Variants in MAGI2 observed in about 807,000 individuals in gnomAD.
MAGI2 encodes the protein membrane-associated guanylate kinase, WW and PDZ domain-containing protein 2.
A neutral mutation model predicts 133.3 loss-of-function variants in MAGI2; 35 were observed. The observed-to-expected ratio is 0.26, with a 90% CI of 0.20 to 0.35. The LOEUF (loss-of-function observed/expected upper bound fraction) is 0.35. Among genes scored for constraint, MAGI2 ranks in the 10% least tolerant of loss-of-function variants. The probability of loss-of-function intolerance (pLI) is 1.00; values close to 1 mark genes in which losing one functional copy is unlikely to be tolerated. For missense variants in MAGI2, 1,636 were observed against 1,863.4 expected, an observed-to-expected ratio of 0.88 and a Z score of 2.25; for synonymous variants, 729 against 710.6, an observed-to-expected ratio of 1.03 and a Z score of -0.41.
intron 1 of MAGI2, among the ~76,000 whole-genome samples, chr7:79,323,036 C>G (rs1225804472): frequency 1.3e-5 from 2 of 152,044 alleles, no homozygotes; most frequent in African/African-American, 4.8e-5. Context: ...CAGGGTCTCA[C>G]TATGTTGTAC....
At chr7:78,864,552 G>A (rs1323901388) in intron 2 of MAGI2, among the ~76,000 whole-genome samples, 1 of 152,148 alleles carries the variant, frequency 6.6e-6, no homozygotes, top group Non-Finnish European at 1.5e-5. Context: ...TGCTCTGTCA[G>A]GAAATGTCAC....
intron 10 of MAGI2, among the ~76,000 whole-genome samples, chr7:78,245,973 G>A (rs1296539420): frequency 1.3e-5 from 2 of 152,132 alleles, no homozygotes. Context: ...AGCCACCATG[G>A]AGCCACCCCT....
intron 20 of MAGI2, among the ~76,000 whole-genome samples, chr7:78,090,405 GA>G (rs1817070934): frequency 1.3e-5 from 2 of 152,154 alleles, no homozygotes. Context: ...TTGCAGTGGG[GA>G]CAAATTGATT....
chr7:79,301,740 T>A lies in MAGI2; in HGVS notation c.301+151280A>T, dbSNP rs142875957. Among the ~76,000 whole-genome samples, 77 of 152,278 alleles carry A rather than the reference T, an allele frequency of 5.1e-4. No homozygotes were observed. The East Asian group carries it at 0.015, about 29-fold the overall frequency. On this transcript the variant is annotated intron_variant, in intron 1 of 21. Coordinates refer to ENST00000354212, the MANE Select transcript of MAGI2 (RefSeq NM_012301.4). ...TGAAAGGGCCAAGGGTAGAATAATA[T>A]AGTTTGGATATTTGTCCCTGTTCAA...
intron 10 of MAGI2, among the ~76,000 whole-genome samples, chr7:78,220,968 G>A (rs747847352): frequency 2.6e-5 from 4 of 152,158 alleles, no homozygotes; most frequent in Non-Finnish European, 5.9e-5. Flanking sequence ...CAACCCATAT[G>A]TTGTGTTTAC....
rs1828580099 is a variant in MAGI2 at position 78,194,911 on chromosome 7, C to T, written c.2232G>A (p.Glu744=). Residue 744 remains glutamate, a synonymous_variant, in exon 12 of 22, where the codon GAG becomes GAA. Coordinates refer to ENST00000354212, the MANE Select transcript of MAGI2 (RefSeq NM_012301.4). ...AFDPRKPDPY[E]LYEKSRAIYE... is the part of the protein sequence containing the mutation. ...AAATGGCCCTAGATTTCTCGTAGAGCTCATATGGATCAGGCTTCCGTGGGT... is the reference window on the plus strand; with the variant it reads ...AAATGGCCCTAGATTTCTCGTAGAGTTCATATGGATCAGGCTTCCGTGGGT... The T allele has an allele frequency of 6.2e-7, 1 of 1,612,686 alleles. No individual in the cohort carries two copies. Among genetic ancestry groups the T allele is most frequent in the Non-Finnish European group, 8.5e-7 (1 of 1,179,532 alleles).
chr7:79,145,667 T>G (rs1409570950), intron 1 of MAGI2, among the ~76,000 whole-genome samples: 1 of 152,206 alleles, frequency 6.6e-6, no homozygotes, highest in Non-Finnish European at 1.5e-5. Flanking sequence ...TTTAAAAGCC[T>G]ACAGAGCATC....
At chr7:78,395,744 GA>G (rs1441295807) in intron 6 of MAGI2, among the ~76,000 whole-genome samples, 1 of 152,018 alleles carries the variant, frequency 6.6e-6, no homozygotes, top group African/African-American at 2.4e-5. Flanking sequence ...GTTTCCTTAT[GA>G]AAAAAATTTT....
At chr7:78,876,323 A>C (rs2036275191) in intron 2 of MAGI2, among the ~76,000 whole-genome samples, 2 of 117,288 alleles carry the variant, frequency 1.7e-5, no homozygotes, top group Non-Finnish European at 3.4e-5. Flanking sequence ...CTCCGTCTCA[A>C]AAAAAAAAAA....
chr7:78,545,757 ATACAT>A (rs1798781305), intron 3 of MAGI2, among the ~76,000 whole-genome samples: 1 of 152,222 alleles, frequency 6.6e-6, no homozygotes, highest in African/African-American at 2.4e-5. Flanking sequence ...TTGATATTTC[ATACAT>A]TACATTAAAT....
intron 2 of MAGI2, among the ~76,000 whole-genome samples, chr7:78,987,616 T>A (rs893418055): frequency 2.0e-5 from 3 of 152,052 alleles, no homozygotes; most frequent in Non-Finnish European, 4.4e-5. Context: ...CACAGACAAC[T>A]ATGGAATATT....
At chr7:78,153,374 T>C (rs1563188758) in intron 16 of MAGI2, among the ~76,000 whole-genome samples, 1 of 152,208 alleles carries the variant, frequency 6.6e-6, no homozygotes, top group Non-Finnish European at 1.5e-5. Flanking sequence ...TTGGGTGAGC[T>C]TGGTGAGGAC....
chr7:78,378,969 A>G (rs943242402), intron 6 of MAGI2, among the ~76,000 whole-genome samples: 1 of 152,116 alleles, frequency 6.6e-6, no homozygotes, highest in African/African-American at 2.4e-5. Context: ...GAGTCAATGA[A>G]TATTATTTAA....
chr7:79,431,549 A>G (rs1585958891), intron 1 of MAGI2, among the ~76,000 whole-genome samples: 1 of 152,186 alleles, frequency 6.6e-6, no homozygotes, highest in Non-Finnish European at 1.5e-5. Flanking sequence ...TATGGTTGTC[A>G]ATGGTGTACA....
intron 2 of MAGI2, among the ~76,000 whole-genome samples, chr7:78,764,393 C>T (rs1824804081): frequency 6.6e-6 from 1 of 152,130 alleles, no homozygotes; most frequent in Non-Finnish European, 1.5e-5. Context: ...GCTAACTGTC[C>T]TAACTTCTAG....
intron 21 of MAGI2, among the ~76,000 whole-genome samples, chr7:78,055,477 T>A (rs1478359564): frequency 6.6e-6 from 1 of 152,202 alleles, no homozygotes; most frequent in Non-Finnish European, 1.5e-5. Context: ...CTAGAGTGGC[T>A]GTCAAGACAA....
intron 2 of MAGI2, among the ~76,000 whole-genome samples, chr7:78,956,859 C>G (rs1410584648): frequency 1.3e-5 from 2 of 152,154 alleles, no homozygotes; most frequent in Admixed American, 1.3e-4. Context: ...AACATACTAT[C>G]AAATGTCAAA....
intron 3 of MAGI2, among the ~76,000 whole-genome samples, chr7:78,620,344 TGCTAAAATAAAAGCTGATTTTA>T (rs1165129668): frequency 6.6e-6 from 1 of 152,022 alleles, no homozygotes; most frequent in East Asian, 1.9e-4. Flanking sequence ...CATCAAACTA[TGCTAAAATAAAAGCTGATTTTA>T]GCTAGTAAAA....
At chr7:78,292,129 G>A (rs1796778771) in intron 9 of MAGI2, among the ~76,000 whole-genome samples, 1 of 152,192 alleles carries the variant, frequency 6.6e-6, no homozygotes, top group African/African-American at 2.4e-5. Context: ...ATTAGGAAAA[G>A]AGGAAGTCAA....
Sources: gnomAD v4.1 joint callset for allele counts (sites outside exome capture counted in the v4.1 genomes callset) on GRCh38, gnomAD v4.1.1 for gene constraint, MANE v1.5 for transcripts, NCBI Gene and HGNC (gene_info 2026-07-23, HGNC 2026-07-21) for gene names.